The following FAM135B variants were observed in gnomAD, a reference collection of about 807,000 sequenced individuals.
FAM135B encodes the protein protein FAM135B.
Under a neutral mutation model 127.7 loss-of-function variants are expected in FAM135B, and 43 were observed. The observed-to-expected ratio is 0.34, with a 90% CI of 0.26 to 0.43. The LOEUF is 0.43. Ranked by LOEUF, FAM135B falls within the 20% of genes least tolerant of loss-of-function variation. The pLI is 1.00. For missense variants in FAM135B, 1,558 were observed against 1,725.6 expected (o/e 0.90, Z 1.72); for synonymous variants, 670 against 665.1 (o/e 1.01, Z -0.11).
At chr8:138,405,294 T>A (rs1286423692) in intron 1 of FAM135B, among the ~76,000 whole-genome samples, 2 of 151,542 alleles carry the variant, frequency 1.3e-5, no homozygotes, top group African/African-American at 4.9e-5. Flanking sequence ...TATGTATACA[T>A]GTGCCATGCT....
chr8:138,360,829 A>T (rs1401114432), intron 2 of FAM135B, among the ~76,000 whole-genome samples: 1 of 152,052 alleles, frequency 6.6e-6, no homozygotes, highest in South Asian at 2.1e-4. Flanking sequence ...AACCAGAGTC[A>T]CCCAGGGAAC....
intron 3 of FAM135B, among the ~76,000 whole-genome samples, chr8:138,296,152 T>C (rs924735627): frequency 6.6e-6 from 1 of 152,202 alleles, no homozygotes; most frequent in Non-Finnish European, 1.5e-5. Flanking sequence ...TCTTGTCTTT[T>C]CCTCTTAATT....
intron 7 of FAM135B, among the ~76,000 whole-genome samples, chr8:138,221,969 G>A (rs2130051936): frequency 6.6e-6 from 1 of 152,290 alleles, no homozygotes; most frequent in African/African-American, 2.4e-5. Flanking sequence ...CGAAATACAT[G>A]TAAAGAGAAA....
intron 2 of FAM135B, among the ~76,000 whole-genome samples, chr8:138,330,643 G>A (rs754953908): frequency 1.2e-4 from 19 of 152,056 alleles, no homozygotes; most frequent in Non-Finnish European, 2.6e-4. Flanking sequence ...ACTCACAGAG[G>A]TTAAGTGGCT....
intron 8 of FAM135B, among the ~76,000 whole-genome samples, chr8:138,196,748 A>G (rs145833443): frequency 0.011 from 1,687 of 152,306 alleles, 17 homozygotes; most frequent in Middle Eastern, 0.031. Flanking sequence ...AGGCCTTATT[A>G]GAGAACTTTG....
chr8:138,487,063 A>T (rs1048444098), intron 1 of FAM135B, among the ~76,000 whole-genome samples: 5 of 152,164 alleles, frequency 3.3e-5, no homozygotes, highest in African/African-American at 1.2e-4. Flanking sequence ...AAACTGGAAC[A>T]GTCCCTCTCA....
intron 3 of FAM135B, among the ~76,000 whole-genome samples, chr8:138,300,782 C>T (rs186599017): frequency 2.1e-3 from 264 of 127,664 alleles, no homozygotes; most frequent in Admixed American, 4.3e-3. Context: ...GACTGAGTCT[C>T]GCTCTGTTGC....
chr8:138,376,856 A>G (rs1338836692), intron 1 of FAM135B, among the ~76,000 whole-genome samples: 2 of 152,226 alleles, frequency 1.3e-5, no homozygotes, highest in Non-Finnish European at 2.9e-5. Context: ...AAGGTCCCTC[A>G]TATCCAGACC....
At chr8:138,305,139 G>C (rs950301414) in intron 3 of FAM135B, among the ~76,000 whole-genome samples, 1 of 152,106 alleles carries the variant, frequency 6.6e-6, no homozygotes, top group African/African-American at 2.4e-5. Context: ...TCGGTCCCCC[G>C]CCCTCTACAT....
chr8:138,387,479 C>T (rs747483244), intron 1 of FAM135B, among the ~76,000 whole-genome samples: 26 of 152,294 alleles, frequency 1.7e-4, no homozygotes, highest in Middle Eastern at 3.4e-3. Context: ...TCTCCTTTTG[C>T]TCATTCTCTC....
intron 1 of FAM135B, among the ~76,000 whole-genome samples, chr8:138,478,652 C>T (rs1302518420): frequency 3.3e-5 from 5 of 152,190 alleles, no homozygotes; most frequent in Admixed American, 3.3e-4. Context: ...TGATCTCTAA[C>T]TCTACGGATA....
At chr8:138,261,678 A>C (rs187989173) in intron 4 of FAM135B, among the ~76,000 whole-genome samples, 34 of 152,320 alleles carry the variant, frequency 2.2e-4, no homozygotes, top group Admixed American at 2.2e-3. Flanking sequence ...TGCAACTGTT[A>C]TTATAACATC....
rs560003556 is a variant in FAM135B at position 138,147,707 on chromosome 8, G to A, written c.3448+813C>T. Among the ~76,000 whole-genome samples, 12 of 152,176 alleles carry A rather than the reference G, an allele frequency of 7.9e-5. No homozygotes were observed. In the East Asian group the frequency reaches 2.1e-3, roughly 27 times the overall value. On this transcript the variant is annotated intron_variant, in intron 14 of 19. Coordinates refer to ENST00000395297, the MANE Select transcript of FAM135B (RefSeq NM_015912.4). ...AGTTGATAATGTGATCTATGGCTCC[G>A]TTTTCTGACAGTACAAAAGGGGTGA...
intron 3 of FAM135B, among the ~76,000 whole-genome samples, chr8:138,298,569 G>A (rs1825640101): frequency 6.6e-6 from 1 of 152,262 alleles, no homozygotes; most frequent in South Asian, 2.1e-4. Context: ...GAAGATAAGT[G>A]TAAGAGGAAC....
intron 4 of FAM135B, among the ~76,000 whole-genome samples, chr8:138,261,458 T>C (rs1408051061): frequency 6.6e-6 from 1 of 152,214 alleles, no homozygotes; most frequent in Admixed American, 6.5e-5. Context: ...GTCACCACTA[T>C]CAAATATCCA....
At chr8:138,393,587 A>G (rs928359452) in intron 1 of FAM135B, among the ~76,000 whole-genome samples, 6 of 152,168 alleles carry the variant, frequency 3.9e-5, no homozygotes, top group Admixed American at 3.3e-4. Context: ...TGAACAGAAA[A>G]GCCCTTTTTG....
chr8:138,359,930 C>G (rs758190929), intron 2 of FAM135B, among the ~76,000 whole-genome samples: 1 of 152,130 alleles, frequency 6.6e-6, no homozygotes, highest in African/African-American at 2.4e-5. Context: ...AGATTTCAAT[C>G]CTAACATTTC....
At chr8:138,397,103 C>G (rs1350600634) in intron 1 of FAM135B, among the ~76,000 whole-genome samples, 2 of 152,174 alleles carry the variant, frequency 1.3e-5, no homozygotes, top group Non-Finnish European at 2.9e-5. Context: ...TCCTGAGCTG[C>G]CCAAGAACCG....
rs1013133346 is a variant in FAM135B, at chr8:138,241,202, T to C, written c.669+1740A>G. Among the ~76,000 whole-genome samples the C allele has an allele frequency of 1.3e-5, 2 of 152,206 alleles. No homozygotes were observed. The highest frequency in any genetic ancestry group is 1.3e-4 in the Admixed American group (2 of 15,276). On this transcript the variant is annotated intron_variant, in intron 7 of 19. Transcript: ENST00000395297. This position sits in a 1 kb window ranked among gnomAD's most constrained non-coding sequence, Gnocchi z 4.8. The stretch of plus-strand genomic sequence containing the variant: ...CCACAGCAGGGACAGTCCAATGACA[T>C]GCTACAGGGCTCACTGCTTTCCACT...
Sources: allele counts gnomAD v4.1 joint callset (sites outside exome capture counted in the v4.1 genomes callset), GRCh38; gene constraint gnomAD v4.1.1; non-coding constraint Gnocchi (gnomAD v3.1); transcripts MANE v1.5; gene names NCBI Gene and HGNC (gene_info 2026-07-23, HGNC 2026-07-21).